Variants in JPH3 observed in about 807,000 individuals in gnomAD.
JPH3 encodes the protein junctophilin 3, also known as junctophilin-3.
A neutral mutation model predicts 59.6 loss-of-function variants in JPH3; 11 were observed. The ratio of observed to expected loss-of-function variants is 0.18; its 90% confidence interval spans 0.12 to 0.31. The LOEUF is 0.31. Among genes scored for constraint, JPH3 ranks in the 10% least tolerant of loss-of-function variants. The pLI is 1.00. For missense variants in JPH3, 1,202 were observed against 1,105.7 expected (o/e 1.09, Z -1.24); for synonymous variants, 673 against 483.6 (o/e 1.39, Z -5.14).
intron 2 of JPH3, among the ~76,000 whole-genome samples, chr16:87,664,298 C>T (rs1481877801): frequency 2.2e-5 from 2 of 90,054 alleles, no homozygotes; most frequent in African/African-American, 7.1e-5. Flanking sequence ...GCCACTGCAC[C>T]TCCAGCCTGG....
chr16:87,658,653 A>G (rs1165849340), intron 2 of JPH3, among the ~76,000 whole-genome samples: 1 of 152,006 alleles, frequency 6.6e-6, no homozygotes, highest in Non-Finnish European at 1.5e-5. Context: ...TCCAGGTGAC[A>G]CCGTGTGGGC....
intron 2 of JPH3, among the ~76,000 whole-genome samples, chr16:87,670,444 G>A (rs1260869844): frequency 6.6e-6 from 1 of 152,190 alleles, no homozygotes; most frequent in African/African-American, 2.4e-5. Context: ...TTCTATCAAT[G>A]GCACTGCACT....
At chr16:87,619,308 G>C (rs1240568412) in intron 1 of JPH3, among the ~76,000 whole-genome samples, 2 of 68,058 alleles carry the variant, frequency 2.9e-5, no homozygotes, top group Non-Finnish European at 5.8e-5. Context: ...GCGAGACCCT[G>C]TCTTAAGAAA....
chr16:87,667,076 C>G (rs1289171684), intron 2 of JPH3, among the ~76,000 whole-genome samples: 1 of 152,254 alleles, frequency 6.6e-6, no homozygotes, highest in Non-Finnish European at 1.5e-5. Flanking sequence ...CCTCTGCAGC[C>G]TCTGGGGAGG....
Position 87,644,868 on chromosome 16 carries a change from C to T in JPH3, c.993C>T (p.Gly331=), listed in dbSNP as rs149347940. Reference sequence around the variant, plus strand: ...ACGGCTGCATGACCTTCCCGGACGGCACCAAGGAGGAGGGCAAGTACAAGC... The same window carrying T: ...ACGGCTGCATGACCTTCCCGGACGGTACCAAGGAGGAGGGCAAGTACAAGC... The part of the protein sequence containing the change: ...HGYGCMTFPD[G]TKEEGKYKQN... The change falls in exon 2 of 5, where the codon GGC becomes GGT. Residue 331 remains glycine, a synonymous_variant. Transcript: ENST00000284262. 3.7e-6 allele frequency: 6 copies of T among 1,613,356 alleles called. No individual in the cohort carries two copies. The African/African-American group carries it at 4.0e-5, about 11-fold the overall frequency.
intron 2 of JPH3, among the ~76,000 whole-genome samples, chr16:87,663,000 C>G (rs928179902): frequency 1.3e-5 from 2 of 152,258 alleles, no homozygotes; most frequent in Non-Finnish European, 2.9e-5. Context: ...CTGTTGGGCA[C>G]CAGCCTGTCT....
chr16:87,650,745 C>A (rs1404556889), intron 2 of JPH3, among the ~76,000 whole-genome samples: 1 of 152,206 alleles, frequency 6.6e-6, no homozygotes, highest in Admixed American at 6.5e-5. Flanking sequence ...AGGCTCAACT[C>A]TAATGCTGTG....
intron 3 of JPH3, chr16:87,684,562 C>T: frequency 2.5e-6 from 1 of 401,500 alleles, no homozygotes; most frequent in Non-Finnish European, 4.6e-6. Context: ...ACCTGCCCAG[C>T]CTGTGCTGTC....
At position 87,689,774 on chromosome 16, in the gene JPH3, C is replaced by T. The variant is rs17853660; in HGVS notation, c.1414C>T (p.Pro472Ser). ...RKGTTPSDLT[P>S]DDSPLQSFPT... ...GGGCACCACTCCCTCCGACCTGACC[C>T]CCGACGACAGCCCCCTGCAGAGCTT... is the stretch of plus-strand genomic sequence containing the variant. Residue 472 changes from proline to serine, a missense_variant, in exon 4 of 5, where the codon CCC (proline) becomes TCC (serine). By Grantham distance (74) the Pro-to-Ser change is moderately conservative (BLOSUM62 -1). Coordinates refer to ENST00000284262, the MANE Select transcript of JPH3 (RefSeq NM_020655.4). The T allele has an allele frequency of 6.3e-5, 102 of 1,609,946 alleles. No individual in the cohort carries two copies. The highest frequency in any genetic ancestry group is 8.4e-5 in the Non-Finnish European group (99 of 1,178,644).
intron 1 of JPH3, among the ~76,000 whole-genome samples, chr16:87,638,214 C>CGGCCT (rs2031822249): frequency 6.6e-6 from 1 of 152,190 alleles, no homozygotes; most frequent in Non-Finnish European, 1.5e-5. Context: ...CCACCACACC[C>CGGCCT]GGCCTCCTTT....
intron 2 of JPH3, among the ~76,000 whole-genome samples, chr16:87,651,911 C>T (rs2032335172): frequency 6.6e-6 from 1 of 152,194 alleles, no homozygotes; most frequent in Non-Finnish European, 1.5e-5. Flanking sequence ...AATAGCATCA[C>T]ATGCTACAGA....
chr16:87,649,421 TG>T (rs2032259748), intron 2 of JPH3, among the ~76,000 whole-genome samples: 1 of 152,158 alleles, frequency 6.6e-6, no homozygotes, highest in African/African-American at 2.4e-5. Context: ...TGTCCCCGGG[TG>T]GACATAGGAA....
At chr16:87,648,744 C>T (rs570936101) in intron 2 of JPH3, among the ~76,000 whole-genome samples, 1 of 152,298 alleles carries the variant, frequency 6.6e-6, no homozygotes, top group South Asian at 2.1e-4. Context: ...CCTCCTCGGC[C>T]ATGTGACATC....
rs1190988631 is a variant in JPH3 at position 87,613,095 on chromosome 16, CTTTT to C, written c.382+9583_382+9586del. 1.1e-3 allele frequency among the ~76,000 whole-genome samples: 142 copies of C among 128,704 alleles called. 1 individual carries two copies. The highest frequency in any genetic ancestry group is 1.8e-3 in the Non-Finnish European group (113 of 62,150). The allele number at this position is 128,704 out of a possible 152,430, so 84.4% of individuals were successfully genotyped here. On this transcript the variant is annotated intron_variant, in intron 1 of 4. Coordinates refer to ENST00000284262, the MANE Select transcript of JPH3 (RefSeq NM_020655.4). ...ACAATACCTACGTTTCTTTCTTTCT[CTTTT>C]TTTTTTTTTTTTTTTGAGACAGAGT...
chr16:87,696,474 C>A (rs1408692171), intron 4 of JPH3, 106 bp from the exon 5 acceptor site: 1 of 899,004 alleles, frequency 1.1e-6, no homozygotes, highest in Admixed American at 1.8e-5. Context: ...ACGCTTCCAC[C>A]CCCGAGGGTC....
chr16:87,672,346 C>G (rs891922383), intron 2 of JPH3, among the ~76,000 whole-genome samples: 1 of 152,242 alleles, frequency 6.6e-6, no homozygotes, highest in African/African-American at 2.4e-5. Context: ...GGGCTTCTCT[C>G]TGGCCTGGCC....
In JPH3 at chr16:87,644,440, C is replaced by T. The variant is rs763455532; in HGVS notation, c.565C>T (p.Pro189Ser). ...CGCCTCTCCGGCGGTGGCCGGCAGC[C>T]CGGCCGTGTCCCGCGGGGGCTTCGT... ...PDASPAVAGSPAVSRGGFVLV... is the reference protein window; with the variant it reads ...PDASPAVAGSSAVSRGGFVLV... The change falls in exon 2 of 5, where the codon CCG becomes TCG. Residue 189 changes from proline (P) to serine (S), a missense_variant. Coordinates refer to ENST00000284262, the MANE Select transcript of JPH3 (RefSeq NM_020655.4). 3 of 1,612,208 alleles carry T rather than the reference C, an allele frequency of 1.9e-6. No homozygotes were observed. Among genetic ancestry groups the T allele is most frequent in the East Asian group, 2.2e-5 (1 of 44,850 alleles).
At chr16:87,672,731 A>G (rs370714033) in intron 2 of JPH3, among the ~76,000 whole-genome samples, 1 of 152,358 alleles carries the variant, frequency 6.6e-6, no homozygotes, top group African/African-American at 2.4e-5. Flanking sequence ...AGTGGCATCT[A>G]TAAATGGGTG....
chr16:87,644,048 G>A (rs56119180), intron 1 of JPH3, among the ~76,000 whole-genome samples: 56,522 of 152,146 alleles, frequency 0.37, 11,551 homozygotes, highest in East Asian at 0.71. Flanking sequence ...TGAGGCAGGA[G>A]GATCGCCTGA....
Sources: allele counts gnomAD v4.1 joint callset (sites outside exome capture counted in the v4.1 genomes callset), GRCh38; gene constraint gnomAD v4.1.1; transcripts MANE v1.5; gene names NCBI Gene and HGNC (gene_info 2026-07-23, HGNC 2026-07-21).